The following CERS5 variants were observed in gnomAD, a reference collection of about 807,000 sequenced individuals.
The protein encoded by CERS5 is LAG1 homolog, ceramide synthase 5.
Under a neutral mutation model 58.9 loss-of-function variants are expected in CERS5, and 37 were observed. The ratio of observed to expected loss-of-function variants is 0.63; its 90% CI spans 0.48 to 0.83. CERS5 has a LOEUF of 0.83. Ranked by LOEUF, CERS5 falls within the 40% of genes least tolerant of loss-of-function variation. The pLI is 0.00. For missense variants in CERS5, 398 were observed against 489.3 expected, an observed-to-expected ratio of 0.81 and a Z score of 1.76; for synonymous variants, 147 against 177.8, an observed-to-expected ratio of 0.83 and a Z score of 1.38.
At chr12:50,135,308 AGTGTGTGTGTGTGT>A (rs56858635) in intron 8 of CERS5, 2,862 of 168,224 alleles carry the variant, frequency 0.017, 6 homozygotes, top group East Asian at 0.053. Flanking sequence ...GAGAGAGAGG[AGTGTGTGTGTGTGT>A]GTGTGTGTGT....
At chr12:50,143,036 G>A (rs773700100) in intron 3 of CERS5, 38 bp downstream of exon 3, 19 of 1,559,426 alleles carry the variant, frequency 1.2e-5, no homozygotes, top group African/African-American at 4.1e-5. Context: ...GTATCCCACC[G>A]TCTTCCTTAT....
At chr12:50,135,084 AAGG>A (rs1396365703) in intron 8 of CERS5, among the ~76,000 whole-genome samples, 9 of 145,386 alleles carry the variant, frequency 6.2e-5, no homozygotes, top group Non-Finnish European at 1.4e-4. Context: ...GTAAAAGTGA[AAGG>A]AGACAGGGAG....
At position 50,130,304 on chromosome 12, in the gene CERS5, C is replaced by T; in HGVS notation, c.*241G>A. The stretch of plus-strand genomic sequence containing the variant: ...CGGCAATGAAACTCACGCATATGCA[C>T]AAACGCACATCAACAAACACACAAA... On this transcript the variant is annotated 3_prime_UTR_variant, in exon 10 of 10. Transcript: ENST00000317551. 1 of 376,244 alleles carries T rather than the reference C, an allele frequency of 2.7e-6. No homozygotes were observed. Among genetic ancestry groups the T allele is most frequent in the Non-Finnish European group, 4.8e-6 (1 of 210,040 alleles). The allele number at this position is 376,244 out of a possible 1,614,324, so 23.3% of individuals were successfully genotyped here.
intron 1 of CERS5, among the ~76,000 whole-genome samples, chr12:50,156,072 C>T (rs1259317813): frequency 2.2e-5 from 3 of 134,552 alleles, no homozygotes; most frequent in African/African-American, 5.7e-5. Context: ...TGCACTCCAG[C>T]CTGGGCGACA....
intron 1 of CERS5, among the ~76,000 whole-genome samples, chr12:50,162,051 T>C (rs1426423331): frequency 1.3e-5 from 2 of 151,480 alleles, no homozygotes; most frequent in Admixed American, 6.6e-5. Context: ...ATTTCTTGTA[T>C]TTTTAGTAAA....
chr12:50,130,770 G>GGC, intron 9 of CERS5, 76 bp from the exon 10 acceptor site: 2 of 1,373,784 alleles, frequency 1.5e-6, no homozygotes. Context: ...CCCAGGTGTG[G>GGC]GCACTGTGTT....
chr12:50,155,663 G>A (rs1357362622), intron 1 of CERS5, among the ~76,000 whole-genome samples: 12 of 147,776 alleles, frequency 8.1e-5, no homozygotes, highest in Admixed American at 2.1e-4. Context: ...CGTGAACCCG[G>A]GAGGCAGAGC....
chr12:50,138,227 T>G (rs1180757993), intron 5 of CERS5, among the ~76,000 whole-genome samples: 1 of 152,150 alleles, frequency 6.6e-6, no homozygotes, highest in Admixed American at 6.5e-5. Flanking sequence ...CAAGTTACCC[T>G]TGATACAAAA....
At chr12:50,155,109 AG>A (rs1398071494) in intron 1 of CERS5, among the ~76,000 whole-genome samples, 4 of 151,894 alleles carry the variant, frequency 2.6e-5, no homozygotes, top group African/African-American at 9.7e-5. Flanking sequence ...CCACCCACCT[AG>A]GCCTCCCAAA....
At chr12:50,141,517 TC>T (rs1951968644) in intron 4 of CERS5, among the ~76,000 whole-genome samples, 1 of 152,202 alleles carries the variant, frequency 6.6e-6, no homozygotes, top group Admixed American at 6.5e-5. Flanking sequence ...ATTATTAGTA[TC>T]TTCTAGGGGA....
At chr12:50,160,064 G>A (rs1266110638) in intron 1 of CERS5, among the ~76,000 whole-genome samples, 3 of 151,688 alleles carry the variant, frequency 2.0e-5, no homozygotes, top group Non-Finnish European at 2.9e-5. Context: ...CAGCACTTTG[G>A]GAGGCCGAGG....
At chr12:50,137,922 A>G (rs1951773175) in intron 5 of CERS5, 102 bp from the exon 6 acceptor site, 1 of 724,348 alleles carries the variant, frequency 1.4e-6, no homozygotes, top group African/African-American at 1.8e-5. Flanking sequence ...AAATTATTAG[A>G]CATCTCTCCT....
At chr12:50,144,175 A>C (rs1952135497) in intron 1 of CERS5, 118 bp from the exon 2 acceptor site, 4 of 618,744 alleles carry the variant, frequency 6.5e-6, no homozygotes, top group Non-Finnish European at 1.2e-5. Context: ...ATGTATACAT[A>C]GTATAATGAT....
intron 9 of CERS5, among the ~76,000 whole-genome samples, chr12:50,132,546 A>C (rs1264464121): frequency 1.3e-5 from 2 of 152,206 alleles, no homozygotes; most frequent in African/African-American, 4.8e-5. Context: ...GAGAGAAGGA[A>C]GTGAAAAGGA....
intron 1 of CERS5, chr12:50,153,717 G>A (rs961511418): frequency 3.8e-6 from 1 of 263,516 alleles, no homozygotes. Flanking sequence ...CACTTTGGGA[G>A]GCTGAGGCAG....
At chr12:50,154,669 A>C (rs1392929432) in intron 1 of CERS5, among the ~76,000 whole-genome samples, 1 of 152,086 alleles carries the variant, frequency 6.6e-6, no homozygotes, top group Non-Finnish European at 1.5e-5. Flanking sequence ...TTAACATGTA[A>C]ATCAATTTAT....
At chr12:50,161,426 G>A (rs1939247860) in intron 1 of CERS5, among the ~76,000 whole-genome samples, 1 of 152,148 alleles carries the variant, frequency 6.6e-6, no homozygotes, top group African/African-American at 2.4e-5. Context: ...TAGAGACTAT[G>A]TATCTAGGCA....
chr12:50,132,869 A>G, intron 9 of CERS5: 1 of 1,253,290 alleles, frequency 8.0e-7, no homozygotes, highest in Non-Finnish European at 1.0e-6. Context: ...GCTCTGAGAC[A>G]AACACAAGGG....
intron 9 of CERS5, chr12:50,134,070 T>G (rs1190364677): frequency 3.9e-5 from 1 of 25,792 alleles, no homozygotes; most frequent in Non-Finnish European, 6.1e-5. Flanking sequence ...AGATTCCATC[T>G]GAAAAAAAAA....
Sources: gnomAD v4.1 joint callset for allele counts (sites outside exome capture counted in the v4.1 genomes callset) on GRCh38, gnomAD v4.1.1 for gene constraint, MANE v1.5 for transcripts, NCBI Gene and HGNC (gene_info 2026-07-23, HGNC 2026-07-21) for gene names.